Variants in CHSY3 observed in about 807,000 individuals in gnomAD.
CHSY3 encodes the protein N-acetylgalactosaminyl-proteoglycan 3-beta-glucuronosyltransferase 3.
Under a neutral mutation model 67.2 loss-of-function variants are expected in CHSY3, and 35 were observed. The ratio of observed to expected loss-of-function variants is 0.52; its 90% CI spans 0.40 to 0.69. The LOEUF (loss-of-function observed/expected upper bound fraction) is 0.69. Among genes scored for constraint, CHSY3 ranks in the 30% least tolerant of loss-of-function variants. The pLI is 0.00. For synonymous variants in CHSY3, 474 were observed against 434.7 expected (o/e 1.09, Z -1.12); for missense variants, 1,069 against 1,138.5 (o/e 0.94, Z 0.88).
intron 2 of CHSY3, among the ~76,000 whole-genome samples, chr5:130,159,338 TA>T (rs1341522944): frequency 1.3e-5 from 2 of 151,768 alleles, no homozygotes; most frequent in African/African-American, 4.8e-5. Flanking sequence ...CTATTTTTTC[TA>T]TTTTTTGTAG....
At chr5:130,181,257 A>G (rs73248947) in intron 2 of CHSY3, among the ~76,000 whole-genome samples, 2,000 of 152,316 alleles carry the variant, frequency 0.013, 52 homozygotes, top group African/African-American at 0.046. Context: ...AAAGGTTCTT[A>G]ATTATTTCAA....
At chr5:130,013,204 A>G (rs1764118309) in intron 2 of CHSY3, among the ~76,000 whole-genome samples, 1 of 152,176 alleles carries the variant, frequency 6.6e-6, no homozygotes, top group African/African-American at 2.4e-5. Context: ...TGCAGGGTAC[A>G]GCCCCCCTCC....
intron 2 of CHSY3, among the ~76,000 whole-genome samples, chr5:129,957,741 G>T (rs1169621038): frequency 1.3e-5 from 2 of 152,010 alleles, no homozygotes; most frequent in African/African-American, 2.4e-5. Context: ...GAGCTATTAG[G>T]TTCTTCCTTT....
At chr5:130,100,989 C>T (rs1013913716) in intron 2 of CHSY3, among the ~76,000 whole-genome samples, 1 of 152,106 alleles carries the variant, frequency 6.6e-6, no homozygotes, top group African/African-American at 2.4e-5. Context: ...CCAGTTGGGT[C>T]GCCCCAGAGG....
At chr5:130,051,677 T>C (rs1165961696) in intron 2 of CHSY3, among the ~76,000 whole-genome samples, 2 of 151,900 alleles carry the variant, frequency 1.3e-5, no homozygotes, top group Non-Finnish European at 2.9e-5. Context: ...AAAAAACTTA[T>C]GGGAAAAAGA....
chr5:129,905,330 C>G lies in CHSY3; in HGVS notation c.501C>G (p.Ala167=), dbSNP rs1364318598. Residue 167 remains alanine, a synonymous_variant, in exon 1 of 3, where the codon GCC becomes GCG. Transcript: ENST00000305031. ...SGDGGAAAPS[A]RPRDFLYVGV... ...ACGGGGGCGCTGCCGCCCCGAGCGC[C>G]CGACCCCGGGACTTCCTGTACGTGG... 1 of 1,534,214 alleles carries G rather than the reference C, an allele frequency of 6.5e-7. No homozygotes were observed.
intron 2 of CHSY3, among the ~76,000 whole-genome samples, chr5:130,146,891 G>A (rs559699188): frequency 1.3e-5 from 2 of 152,116 alleles, no homozygotes; most frequent in African/African-American, 4.8e-5. Context: ...CCTCCTGGGT[G>A]CAAGTGATTC....
At chr5:130,178,187 GTATATATATATATTTATATATATA>G (rs1561571721) in intron 2 of CHSY3, among the ~76,000 whole-genome samples, 42 of 121,918 alleles carry the variant, frequency 3.4e-4, no homozygotes, top group African/African-American at 1.3e-3. Context: ...ATGTGTGTGT[GTATATATATATATTTATATATATA>G]TGTATATATT....
chr5:130,039,536 T>G (rs1253384145), intron 2 of CHSY3, among the ~76,000 whole-genome samples: 1 of 152,020 alleles, frequency 6.6e-6, no homozygotes, highest in Non-Finnish European at 1.5e-5. Flanking sequence ...GATGATAGAT[T>G]AATGTGGAAT....
chr5:130,144,588 A>T (rs1037026077), intron 2 of CHSY3, among the ~76,000 whole-genome samples: 1 of 152,200 alleles, frequency 6.6e-6, no homozygotes. Flanking sequence ...CCTAAAGGAA[A>T]GTACAGATTC....
intron 1 of CHSY3, 21 bp downstream of exon 1, chr5:129,905,652 T>C (rs1342307885): frequency 1.2e-6 from 2 of 1,608,060 alleles, no homozygotes; most frequent in East Asian, 2.2e-5. Context: ...TGCGCCGGCT[T>C]TCCAGCCTGC....
intron 2 of CHSY3, among the ~76,000 whole-genome samples, chr5:130,000,100 A>G (rs1306034244): frequency 6.6e-6 from 1 of 152,228 alleles, no homozygotes; most frequent in Non-Finnish European, 1.5e-5. Flanking sequence ...TACCATATTT[A>G]AAGAACTCAA....
At chr5:129,932,506 C>T (rs757775167) in intron 2 of CHSY3, among the ~76,000 whole-genome samples, 1 of 152,104 alleles carries the variant, frequency 6.6e-6, no homozygotes. Context: ...GACACCATAA[C>T]TAGCCAAACT....
In CHSY3 at chr5:130,001,504, G is replaced by A. The variant is rs984695211; in HGVS notation, c.1086+93144G>A. The stretch of plus-strand genomic sequence containing the variant: ...TGGCAGAGACTGGTACCAAGATCTA[G>A]TGAAGGGCCTGGGATGAGAACCAAG... On this transcript the variant is annotated intron_variant, in intron 2 of 2. Coordinates refer to ENST00000305031, the MANE Select transcript of CHSY3 (RefSeq NM_175856.5). 7 of 963,432 alleles carry A rather than the reference G, an allele frequency of 7.3e-6. No individual in the cohort carries two copies. The Admixed American group carries it at 3.7e-4, about 51-fold the overall frequency. The allele number at this position is 963,432 out of a possible 1,614,324, so 59.7% of individuals were successfully genotyped here. A position where few individuals can be genotyped will look rare whatever the true frequency, so the allele number is the denominator to read the frequency against.
intron 2 of CHSY3, among the ~76,000 whole-genome samples, chr5:130,134,925 A>G (rs1768610424): frequency 1.3e-5 from 2 of 151,440 alleles, no homozygotes; most frequent in Non-Finnish European, 2.9e-5. Context: ...TTTTTCTCCA[A>G]TATCAGAATC....
chr5:129,953,155 A>G (rs566569028), intron 2 of CHSY3, among the ~76,000 whole-genome samples: 4 of 151,914 alleles, frequency 2.6e-5, no homozygotes, highest in East Asian at 1.9e-4. Context: ...ACAGGTCCCA[A>G]TGTGTGATGT....
intron 2 of CHSY3, among the ~76,000 whole-genome samples, chr5:130,153,123 T>C (rs1580784926): frequency 6.6e-6 from 1 of 152,008 alleles, no homozygotes; most frequent in East Asian, 1.9e-4. Flanking sequence ...CCTGGCTACT[T>C]GGGAGGCTGA....
intron 2 of CHSY3, among the ~76,000 whole-genome samples, chr5:130,051,929 C>T (rs62391433): frequency 0.063 from 8,347 of 132,114 alleles, 341 homozygotes; most frequent in Non-Finnish European, 0.086. Context: ...CAACTGTGTG[C>T]ATTAAAATTC....
At chr5:130,010,019 T>C (rs1429983234) in intron 2 of CHSY3, among the ~76,000 whole-genome samples, 1 of 152,142 alleles carries the variant, frequency 6.6e-6, no homozygotes, top group Non-Finnish European at 1.5e-5. Flanking sequence ...GAGACTTCTA[T>C]AACCACACAA....
Sources: gnomAD v4.1 joint callset for allele counts (sites outside exome capture counted in the v4.1 genomes callset) on GRCh38, gnomAD v4.1.1 for gene constraint, MANE v1.5 for transcripts, NCBI Gene and HGNC (gene_info 2026-07-23, HGNC 2026-07-21) for gene names.